NYAP2: variants seen among roughly 807,000 people sequenced by gnomAD.
NYAP2 encodes neuronal tyrosine-phosphorylated phosphoinositide-3-kinase adaptor 2.
NYAP2 carries 23 observed loss-of-function variants against 50.4 expected under a neutral mutation model. The observed-to-expected ratio is 0.46, with a 90% CI of 0.33 to 0.65. The LOEUF (loss-of-function observed/expected upper bound fraction) is 0.65. NYAP2 is among the 30% of genes least tolerant of loss of function. NYAP2 has a pLI of 0.02. For missense variants in NYAP2, 885 were observed against 861.0 expected, an observed-to-expected ratio of 1.03 and a Z score of -0.35; for synonymous variants, 394 against 365.2, an observed-to-expected ratio of 1.08 and a Z score of -0.90.
exon 3 of NYAP2, chr2:225,408,886 A>G (rs900524438): frequency 6.2e-7 from 1 of 1,603,856 alleles, no homozygotes; most frequent in Non-Finnish European, 8.5e-7. Context: ...TTTACATGAT[A>G]TCCTCCAAGA....
At chr2:225,484,963 C>A (rs1469912929) in intron 3 of NYAP2, among the ~76,000 whole-genome samples, 2 of 152,206 alleles carry the variant, frequency 1.3e-5, no homozygotes, top group Non-Finnish European at 1.5e-5. Context: ...GTTTTAAGAA[C>A]CCCTGTGGGT....
At chr2:225,682,682 G>T in the NYAP2 span, among the ~76,000 whole-genome samples, 1 of 152,216 alleles carries the variant, frequency 6.6e-6, no homozygotes, top group African/African-American at 2.4e-5. Context: ...GCTATCAAAA[G>T]AATTCCTCAT....
the NYAP2 span, among the ~76,000 whole-genome samples, chr2:225,667,038 G>A: frequency 3.9e-5 from 6 of 152,084 alleles, no homozygotes; most frequent in Non-Finnish European, 8.8e-5. Flanking sequence ...GAGAATTTAT[G>A]GTTTGTAGGG....
rs1340427911 is a variant in NYAP2 at position 225,408,248 on chromosome 2, G to GT, written c.-17-615dup. Reference sequence around the variant, plus strand: ...CCTAGTGACCTATGATATGTTAGTTGTAGTATGAAGGCATTATGGAGGAAC... The same window carrying GT: ...CCTAGTGACCTATGATATGTTAGTTGTTAGTATGAAGGCATTATGGAGGAAC... On this transcript the variant is annotated intron_variant, in intron 2 of 6. Coordinates refer to ENST00000636099, the Ensembl canonical transcript of NYAP2. Among the ~76,000 whole-genome samples the GT allele has an allele frequency of 2.6e-5, 4 of 152,062 alleles. No individual in the cohort carries two copies. The East Asian group carries it at 5.8e-4, about 22-fold the overall frequency.
the NYAP2 span, among the ~76,000 whole-genome samples, chr2:225,679,725 C>A: frequency 1.3e-5 from 2 of 151,974 alleles, no homozygotes; most frequent in African/African-American, 4.8e-5. Flanking sequence ...GATCTCCTGA[C>A]CTTGTGATCT....
At chr2:225,508,866 A>C (rs979845535) in intron 3 of NYAP2, among the ~76,000 whole-genome samples, 1 of 152,204 alleles carries the variant, frequency 6.6e-6, no homozygotes, top group Non-Finnish European at 1.5e-5. Context: ...CTATCCTCAG[A>C]GGAGGTTCTC....
chr2:225,690,576 C>A, the NYAP2 span, among the ~76,000 whole-genome samples: 1 of 152,070 alleles, frequency 6.6e-6, no homozygotes, highest in Non-Finnish European at 1.5e-5. Context: ...GTAACCTCTG[C>A]AGGGTTATTA....
At chr2:225,416,259 A>C (rs918611010) in intron 3 of NYAP2, among the ~76,000 whole-genome samples, 2 of 152,208 alleles carry the variant, frequency 1.3e-5, no homozygotes, top group African/African-American at 4.8e-5. Flanking sequence ...ATTTTGGTTA[A>C]AAAATCAAAT....
chr2:225,419,657 G>T (rs1031347974), intron 3 of NYAP2, among the ~76,000 whole-genome samples: 1 of 152,136 alleles, frequency 6.6e-6, no homozygotes, highest in African/African-American at 2.4e-5. Flanking sequence ...AACTAGCGGG[G>T]TAGTCAACAT....
intron 3 of NYAP2, among the ~76,000 whole-genome samples, chr2:225,488,150 AG>A (rs1346093298): frequency 2.6e-5 from 4 of 152,238 alleles, no homozygotes; most frequent in African/African-American, 7.2e-5. Context: ...GCTTAGAAAA[AG>A]GAATGACAGA....
At chr2:225,495,537 CTA>C (rs1169584123) in intron 3 of NYAP2, among the ~76,000 whole-genome samples, 1 of 152,084 alleles carries the variant, frequency 6.6e-6, no homozygotes, top group African/African-American at 2.4e-5. Context: ...CCCCTAATCT[CTA>C]TGTTTTACAG....
chr2:225,694,064 C>T, the NYAP2 span, among the ~76,000 whole-genome samples: 2 of 152,048 alleles, frequency 1.3e-5, no homozygotes, highest in Non-Finnish European at 2.9e-5. Flanking sequence ...AATTGAACAA[C>T]TGTCCTACAG....
At chr2:225,554,096 T>C (rs1691729816) in intron 4 of NYAP2, among the ~76,000 whole-genome samples, 1 of 152,168 alleles carries the variant, frequency 6.6e-6, no homozygotes, top group African/African-American at 2.4e-5. Flanking sequence ...ATTTGGTCCC[T>C]TACATTCATT....
chr2:225,616,102 C>T (rs920404136), intron 5 of NYAP2, among the ~76,000 whole-genome samples: 1 of 152,126 alleles, frequency 6.6e-6, no homozygotes, highest in Non-Finnish European at 1.5e-5. Flanking sequence ...ATTCAGTGTG[C>T]CCCATCTGTG....
At position 225,407,935 on chromosome 2, in the gene NYAP2, A is replaced by C. The variant is rs549089800; in HGVS notation, c.-17-929A>C. 2.0e-5 allele frequency among the ~76,000 whole-genome samples: 3 copies of C among 152,134 alleles called. No individual in the cohort carries two copies. The East Asian group carries it at 5.8e-4, about 29-fold the overall frequency. Reference sequence around the variant, plus strand: ...GTTCATACTTTTTAATGATAATATTAGCTAATAGTATTATATACTTACTAT... The same window carrying C: ...GTTCATACTTTTTAATGATAATATTCGCTAATAGTATTATATACTTACTAT... On this transcript the variant is annotated intron_variant, in intron 2 of 6. Transcript: ENST00000636099.
At chr2:225,650,889 T>C (rs1488277638) in intron 6 of NYAP2, among the ~76,000 whole-genome samples, 1 of 152,186 alleles carries the variant, frequency 6.6e-6, no homozygotes, top group Non-Finnish European at 1.5e-5. Context: ...AGAAAGCTTT[T>C]TAAGTTGGAA....
intron 4 of NYAP2, among the ~76,000 whole-genome samples, chr2:225,519,304 G>T (rs1314409649): frequency 6.7e-6 from 1 of 148,980 alleles, no homozygotes; most frequent in Non-Finnish European, 1.5e-5. Flanking sequence ...TAAGTTTTAG[G>T]GTACATGCGC....
intron 4 of NYAP2, among the ~76,000 whole-genome samples, chr2:225,564,337 A>AT (rs1691925609): frequency 6.6e-6 from 1 of 151,526 alleles, no homozygotes; most frequent in African/African-American, 2.4e-5. Context: ...CAAGGATTAG[A>AT]TTTTTCCATT....
At chr2:225,677,486 C>G in the NYAP2 span, among the ~76,000 whole-genome samples, 1 of 151,664 alleles carries the variant, frequency 6.6e-6, no homozygotes, top group Non-Finnish European at 1.5e-5. Flanking sequence ...TGTTCTGCTT[C>G]CAGTCCTCAA....
Sources: allele counts gnomAD v4.1 joint callset (sites outside exome capture counted in the v4.1 genomes callset), GRCh38; gene constraint gnomAD v4.1.1; transcripts MANE v1.5; gene names NCBI Gene and HGNC (gene_info 2026-07-23, HGNC 2026-07-21).